Variants in TTBK2 observed in about 807,000 individuals in gnomAD.
The protein encoded by TTBK2 is tau tubulin kinase 2, also known as tau-tubulin kinase 2.
TTBK2 carries 28 observed loss-of-function variants against 110.8 expected under a neutral mutation model. That is an observed-to-expected ratio of 0.25 (90% CI 0.19 to 0.35). TTBK2 has a LOEUF of 0.35. Among genes scored for constraint, TTBK2 ranks in the 10% least tolerant of loss-of-function variants. The pLI is 1.00. For missense variants in TTBK2, 1,369 were observed against 1,500.3 expected, an observed-to-expected ratio of 0.91 and a Z score of 1.45; for synonymous variants, 532 against 527.3, an observed-to-expected ratio of 1.01 and a Z score of -0.12.
intron 7 of TTBK2, among the ~76,000 whole-genome samples, chr15:42,816,667 C>G (rs1035010251): frequency 6.6e-6 from 1 of 151,998 alleles, no homozygotes; most frequent in Non-Finnish European, 1.5e-5. Context: ...GTAAAGAAGT[C>G]AATCTCACCT....
In TTBK2 at chr15:42,834,195, A is replaced by G. The variant is rs1236234776; in HGVS notation, c.292-4117T>C. 1.0e-4 allele frequency among the ~76,000 whole-genome samples: 12 copies of G among 119,230 alleles called. 2 individuals carry two copies. Among genetic ancestry groups the G allele is most frequent in the African/African-American group, 4.0e-4 (10 of 24,868 alleles). 78.2% of individuals were successfully genotyped at this position (119,230 alleles called of 152,430 possible). A position where few individuals can be genotyped will look rare whatever the true frequency, so the allele number is the denominator to read the frequency against. The stretch of plus-strand genomic sequence containing the variant: ...CAAGACCCCATCTCAAAAAAAAAAA[A>G]AGGGGGGGGGTGTATAAAAGGAAAG... On this transcript the variant is annotated intron_variant, in intron 4 of 14. Coordinates refer to ENST00000267890, the MANE Select transcript of TTBK2 (RefSeq NM_173500.4).
chr15:42,810,560 A>T, intron 9 of TTBK2, 54 bp downstream of exon 9: 1 of 1,608,466 alleles, frequency 6.2e-7, no homozygotes. Context: ...AATGAGTGAA[A>T]GCATAGACTA....
chr15:42,798,784 C>G (rs1891052319), intron 9 of TTBK2, among the ~76,000 whole-genome samples: 1 of 152,140 alleles, frequency 6.6e-6, no homozygotes, highest in Non-Finnish European at 1.5e-5. Flanking sequence ...AAGCAATTAT[C>G]TTCGGGAAAG....
intron 14 of TTBK2, among the ~76,000 whole-genome samples, chr15:42,747,796 G>A (rs1277512447): frequency 4.6e-5 from 7 of 152,240 alleles, no homozygotes; most frequent in Non-Finnish European, 8.8e-5. Flanking sequence ...GTACAGCAAA[G>A]GAACAGACAA....
chr15:42,888,079 A>T (rs1371080796), intron 1 of TTBK2, among the ~76,000 whole-genome samples: 3 of 152,040 alleles, frequency 2.0e-5, no homozygotes, highest in Non-Finnish European at 4.4e-5. Context: ...TTCTGTCCAA[A>T]CAACTTGACC....
intron 13 of TTBK2, among the ~76,000 whole-genome samples, chr15:42,759,526 C>T (rs935280216): frequency 6.6e-6 from 1 of 152,256 alleles, no homozygotes; most frequent in African/African-American, 2.4e-5. Flanking sequence ...AGACTCCAAA[C>T]TGGCTGACCC....
intron 1 of TTBK2, among the ~76,000 whole-genome samples, chr15:42,911,317 C>T (rs899170185): frequency 6.6e-6 from 1 of 152,120 alleles, no homozygotes; most frequent in African/African-American, 2.4e-5. Flanking sequence ...AGAGGTAGGA[C>T]TGTGCTGGGC....
Position 42,872,745 on chromosome 15 carries a change from C to G in TTBK2, c.83G>C (p.Gly28Ala), listed in dbSNP as rs758655546. The change falls in exon 3 of 15, where the codon GGG becomes GCG. Residue 28 changes from glycine (G) to alanine (A), a missense_variant. Physicochemically the swap from Gly to Ala is moderately conservative, Grantham distance 60. Transcript: ENST00000267890. ...KERWKVLRKI[G>A]GGGFGEIYDA... ...GTAAATTTCTCCAAAGCCCCCACCC[C>G]CAATCTTTCTCAACTGCACAGAAAA... 6.2e-7 allele frequency: 1 copy of G among 1,614,004 alleles called. No individual in the cohort carries two copies. The highest frequency in any genetic ancestry group is 8.5e-7 in the Non-Finnish European group (1 of 1,179,970).
intron 3 of TTBK2, among the ~76,000 whole-genome samples, chr15:42,843,758 CAAAAAAAAAA>C (rs57403388): frequency 0.25 from 18,369 of 72,116 alleles, 1,424 homozygotes; most frequent in South Asian, 0.42. Context: ...GACTTGGTCT[CAAAAAAAAAA>C]AAAAAAAAAA....
chr15:42,789,234 T>C (rs1371056006), intron 10 of TTBK2, among the ~76,000 whole-genome samples: 1 of 152,150 alleles, frequency 6.6e-6, no homozygotes. Context: ...GAACCCCCTG[T>C]GGTAACCACT....
chr15:42,860,938 T>A (rs980867870), intron 3 of TTBK2, among the ~76,000 whole-genome samples: 1 of 152,046 alleles, frequency 6.6e-6, no homozygotes, highest in African/African-American at 2.4e-5. Context: ...GATGAGCCAC[T>A]GAGCCTGGCC....
intron 1 of TTBK2, among the ~76,000 whole-genome samples, chr15:42,916,906 A>T (rs2031109918): frequency 6.6e-6 from 1 of 152,334 alleles, no homozygotes; most frequent in East Asian, 1.9e-4. Flanking sequence ...TGGTAAAAAC[A>T]TATATAATGG....
chr15:42,832,211 T>C (rs1345462528), intron 4 of TTBK2, among the ~76,000 whole-genome samples: 2 of 152,214 alleles, frequency 1.3e-5, no homozygotes, highest in Admixed American at 6.5e-5. Context: ...TTTATTAGCA[T>C]TCCAATAGTT....
rs144442001 is a variant in TTBK2 at position 42,838,641 on chromosome 15, T to C, written c.291+1719A>G. On this transcript the variant is annotated intron_variant, in intron 4 of 14. Transcript: ENST00000267890. Reference sequence around the variant, plus strand: ...CGCCAGCCTGGCCAACATGATGAAATCCCATCTCTACTAAAAATACAGAAA... The same window carrying C: ...CGCCAGCCTGGCCAACATGATGAAACCCCATCTCTACTAAAAATACAGAAA... Among the ~76,000 whole-genome samples, 1,304 of 151,794 alleles carry C rather than the reference T, an allele frequency of 8.6e-3. 20 individuals carry two copies. The highest frequency in any genetic ancestry group is 0.03 in the African/African-American group (1,234 of 41,374).
chr15:42,812,199 G>C (rs932013574), intron 7 of TTBK2, among the ~76,000 whole-genome samples: 1 of 152,164 alleles, frequency 6.6e-6, no homozygotes, highest in Non-Finnish European at 1.5e-5. Context: ...TAAAGGCCTT[G>C]GGCCTACATA....
chr15:42,865,644 G>A (rs1488868033), intron 3 of TTBK2, among the ~76,000 whole-genome samples: 3 of 151,532 alleles, frequency 2.0e-5, no homozygotes, highest in African/African-American at 7.3e-5. Context: ...GCAACATAGC[G>A]AGACTCTGTA....
At chr15:42,797,349 A>G (rs1244552407) in intron 9 of TTBK2, among the ~76,000 whole-genome samples, 2 of 152,210 alleles carry the variant, frequency 1.3e-5, no homozygotes, top group Non-Finnish European at 2.9e-5. Flanking sequence ...AATGTATTCT[A>G]TGGCACTGGA....
At position 42,909,408 on chromosome 15, in the gene TTBK2, ATC is replaced by A. The variant is rs2030615471; in HGVS notation, c.-68+11028_-68+11029del. ...TTTGCTTCCATTGTCACATCTCCTT[ATC>A]TCTCTCTGACAAAGTATATGCCTCC... On this transcript the variant is annotated intron_variant, in intron 1 of 14. Transcript: ENST00000267890. Among the ~76,000 whole-genome samples, 3 of 152,106 alleles carry A rather than the reference ATC, an allele frequency of 2.0e-5. No individual in the cohort carries two copies. In the South Asian group the frequency reaches 6.2e-4, roughly 32 times the overall value.
chr15:42,835,628 G>GT (rs1197999776), intron 4 of TTBK2, among the ~76,000 whole-genome samples: 6 of 150,460 alleles, frequency 4.0e-5, no homozygotes, highest in Admixed American at 1.3e-4. Flanking sequence ...TAAACCAAAT[G>GT]TAAAAAAAAA....
Sources: gnomAD v4.1 joint callset for allele counts (sites outside exome capture counted in the v4.1 genomes callset) on GRCh38, gnomAD v4.1.1 for gene constraint, MANE v1.5 for transcripts, NCBI Gene and HGNC (gene_info 2026-07-23, HGNC 2026-07-21) for gene names.